BLTP3A: variants seen among roughly 807,000 people sequenced by gnomAD.
BLTP3A encodes ICBP90 binding protein 1.
chr6:34,797,839 G>A, the BLTP3A span, among the ~76,000 whole-genome samples: 1 of 152,180 alleles, frequency 6.6e-6, no homozygotes. Flanking sequence ...ATGAAGAAAG[G>A]AAGCACAGAA....
the BLTP3A span, chr6:34,859,570 A>G: frequency 6.2e-7 from 1 of 1,613,578 alleles, no homozygotes; most frequent in Admixed American, 1.7e-5. Flanking sequence ...GCCCCCAGCC[A>G]AGTAAGTGGC....
the BLTP3A span, among the ~76,000 whole-genome samples, chr6:34,869,360 C>T: frequency 6.6e-6 from 1 of 152,110 alleles, no homozygotes; most frequent in Non-Finnish European, 1.5e-5. Context: ...CTGGGAGTCC[C>T]TCTCCTGAAC....
the BLTP3A span, among the ~76,000 whole-genome samples, chr6:34,845,626 T>C: frequency 6.6e-6 from 1 of 151,926 alleles, no homozygotes; most frequent in Non-Finnish European, 1.5e-5. Flanking sequence ...AGATGGAGTC[T>C]TGCTCTGTCA....
chr6:34,859,802 C>G, the BLTP3A span, among the ~76,000 whole-genome samples: 20 of 152,174 alleles, frequency 1.3e-4, 1 homozygote, highest in Admixed American at 5.2e-4. Flanking sequence ...TCAAGACAGG[C>G]CTTACCGTGT....
the BLTP3A span, among the ~76,000 whole-genome samples, chr6:34,805,682 G>C: frequency 3.1e-4 from 42 of 135,702 alleles, no homozygotes; most frequent in East Asian, 8.2e-3. Context: ...AGGATTGCTT[G>C]AGCCTGCCCA....
chr6:34,803,005 T>C, the BLTP3A span, among the ~76,000 whole-genome samples: 2 of 151,916 alleles, frequency 1.3e-5, no homozygotes, highest in African/African-American at 4.8e-5. Context: ...GTGAAACCCG[T>C]CTCTACAAAA....
At chr6:34,851,991 C>G in the BLTP3A span, among the ~76,000 whole-genome samples, 2 of 152,148 alleles carry the variant, frequency 1.3e-5, no homozygotes, top group South Asian at 4.1e-4. Context: ...GGTGAATGCT[C>G]TCAGGTCTGG....
At chr6:34,818,124 C>T in the BLTP3A span, among the ~76,000 whole-genome samples, 1 of 152,132 alleles carries the variant, frequency 6.6e-6, no homozygotes, top group African/African-American at 2.4e-5. Context: ...TCCCAAAGTG[C>T]TGGGATTACA....
the BLTP3A span, among the ~76,000 whole-genome samples, chr6:34,831,372 C>T: frequency 1.3e-5 from 2 of 152,168 alleles, no homozygotes; most frequent in Non-Finnish European, 2.9e-5. Context: ...AGGTGATCCA[C>T]CCGCCTCGGC....
At chr6:34,821,869 C>CTGGA in the BLTP3A span, 1 of 1,614,112 alleles carries the variant, frequency 6.2e-7, no homozygotes, top group East Asian at 2.2e-5. Flanking sequence ...GGCCTGCTTT[C>CTGGA]TGGAGGGTCA....
At chr6:34,858,625 G>A in the BLTP3A span, 1 of 1,614,098 alleles carries the variant, frequency 6.2e-7, no homozygotes, top group Non-Finnish European at 8.5e-7. Context: ...AGCCAGTTTT[G>A]GAAGTCCTGT....
the BLTP3A span, chr6:34,858,543 C>T: frequency 3.7e-6 from 6 of 1,614,158 alleles, no homozygotes; most frequent in South Asian, 1.1e-5. Context: ...TTTGGGCCTG[C>T]CTACCCCTCC....
chr6:34,856,953 T>G, the BLTP3A span: 1 of 1,604,608 alleles, frequency 6.2e-7, no homozygotes, highest in Non-Finnish European at 8.5e-7. Context: ...GAAACATGGT[T>G]GGAAAGAGGT....
the BLTP3A span, among the ~76,000 whole-genome samples, chr6:34,868,273 T>A: frequency 6.6e-6 from 1 of 151,782 alleles, no homozygotes; most frequent in Non-Finnish European, 1.5e-5. Flanking sequence ...GCCATTGCAC[T>A]GCAGCCTGGG....
At chr6:34,860,669 A>G in the BLTP3A span, among the ~76,000 whole-genome samples, 1 of 152,214 alleles carries the variant, frequency 6.6e-6, no homozygotes, top group African/African-American at 2.4e-5. Context: ...AAGTATTAAT[A>G]TCAATCCCCA....
the BLTP3A span, among the ~76,000 whole-genome samples, chr6:34,835,077 G>A: frequency 7.3e-3 from 1,104 of 152,126 alleles, 20 homozygotes; most frequent in African/African-American, 0.025. Flanking sequence ...TTACTCGTAT[G>A]TAGGGACACT....
chr6:34,845,077 T>C, the BLTP3A span, among the ~76,000 whole-genome samples: 1 of 152,206 alleles, frequency 6.6e-6, no homozygotes, highest in Non-Finnish European at 1.5e-5. Context: ...CATATGGATA[T>C]CCAGTTTTCC....
chr6:34,858,639 G>A, the BLTP3A span: 1 of 1,614,230 alleles, frequency 6.2e-7, no homozygotes, highest in South Asian at 1.1e-5. Flanking sequence ...GTCCTGTCCA[G>A]TCTGAGGCTC....
chr6:34,856,388 T>A, the BLTP3A span: 8 of 1,613,982 alleles, frequency 5.0e-6, no homozygotes, highest in South Asian at 8.8e-5. Context: ...TGGAGTAGAC[T>A]CTCTCTTTCG....
Sources: gnomAD v4.1 joint callset for allele counts (sites outside exome capture counted in the v4.1 genomes callset) on GRCh38, gnomAD v4.1.1 for gene constraint, MANE v1.5 for transcripts, NCBI Gene and HGNC (gene_info 2026-07-23, HGNC 2026-07-21) for gene names.